Variants in TMEM94 observed in about 807,000 individuals in gnomAD.
The protein encoded by TMEM94 is ER Mg2+ ATPase.
Under a neutral mutation model 158.6 loss-of-function variants are expected in TMEM94, and 81 were observed. That is an observed-to-expected ratio of 0.51 (90% CI 0.43 to 0.61). The LOEUF is 0.61. TMEM94 is among the 20% of genes least tolerant of loss of function. TMEM94 has a pLI of 0.00. For synonymous variants in TMEM94, 751 were observed against 730.7 expected, an observed-to-expected ratio of 1.03 and a Z score of -0.45; for missense variants, 1,435 against 1,762.0, an observed-to-expected ratio of 0.81 and a Z score of 3.32.
chr17:75,472,950 C>T (rs1346191311), intron 2 of TMEM94, among the ~76,000 whole-genome samples: 1 of 152,210 alleles, frequency 6.6e-6, no homozygotes. Context: ...GTAGTACCTC[C>T]ACCATTGTAC....
At chr17:75,484,643 T>C (rs1289085453) in intron 2 of TMEM94, among the ~76,000 whole-genome samples, 2 of 151,902 alleles carry the variant, frequency 1.3e-5, no homozygotes, top group African/African-American at 4.8e-5. Context: ...GTGATCCACC[T>C]GCCTCCACCT....
intron 1 of TMEM94, among the ~76,000 whole-genome samples, chr17:75,462,563 T>G (rs1193263604): frequency 6.6e-6 from 1 of 151,072 alleles, no homozygotes; most frequent in Non-Finnish European, 1.5e-5. Flanking sequence ...GTTCTAAGGC[T>G]GGGCATGGTG....
intron 1 of TMEM94, among the ~76,000 whole-genome samples, chr17:75,467,527 T>TC (rs2050347711): frequency 7.2e-6 from 1 of 138,856 alleles, no homozygotes; most frequent in African/African-American, 2.7e-5. Context: ...TTTCTTTTTT[T>TC]TTTTTTTTTT....
At chr17:75,471,240 A>G (rs545450742) in intron 1 of TMEM94, among the ~76,000 whole-genome samples, 2 of 132,540 alleles carry the variant, frequency 1.5e-5, no homozygotes, top group Non-Finnish European at 3.1e-5. Flanking sequence ...ATCCGTCTCA[A>G]AAAAAAAAAA....
chr17:75,492,570 C>T lies in TMEM94; in HGVS notation c.1693C>T (p.Pro565Ser), dbSNP rs1336311588. 1.2e-6 allele frequency: 2 copies of T among 1,613,880 alleles called. No individual in the cohort carries two copies. The highest frequency in any genetic ancestry group is 3.3e-5 in the Admixed American group (2 of 59,992). ...GAGCCTGTCCCAGGACCAGCAGAAC[C>T]CCTCCTGCATCCAGTTTGATGACTC... ...MLSLSQDQQNPSCIQFDDSNW... is the reference protein window; with the variant it reads ...MLSLSQDQQNSSCIQFDDSNW... The change falls in exon 15 of 32, where the codon CCC (proline) becomes TCC (serine). Residue 565 changes from proline (P) to serine (S), a missense_variant. Physicochemically the swap from Pro to Ser is moderately conservative, Grantham distance 74. Coordinates refer to ENST00000314256, the MANE Select transcript of TMEM94 (RefSeq NM_014738.6). This position sits in a 1 kb window ranked among gnomAD's most constrained non-coding sequence, Gnocchi z 4.4.
At chr17:75,476,784 G>A in intron 2 of TMEM94, 1 of 1,535,452 alleles carries the variant, frequency 6.5e-7, no homozygotes, top group East Asian at 2.4e-5. Flanking sequence ...TCTTTAAAAT[G>A]CTGTGTTCCC....
chr17:75,490,452 G>A, intron 10 of TMEM94, 102 bp downstream of exon 10: 2 of 1,358,778 alleles, frequency 1.5e-6, no homozygotes, highest in Admixed American at 2.1e-5. Flanking sequence ...CTTGGGCTCG[G>A]CATGTTGGTC....
chr17:75,493,140 C>A (rs1286521720), intron 16 of TMEM94, 38 bp downstream of exon 16: 3 of 1,595,358 alleles, frequency 1.9e-6, no homozygotes, highest in Admixed American at 1.7e-5. Flanking sequence ...CAGGCGAGAC[C>A]TTCCAGAGCT....
In TMEM94 at chr17:75,493,928, G is replaced by A; in HGVS notation, c.2407+12G>A. On this transcript the variant is annotated intron_variant, in intron 18 of 31. Coordinates refer to ENST00000314256, the MANE Select transcript of TMEM94 (RefSeq NM_014738.6). Reference sequence around the variant, plus strand: ...CTGGAGCTCTGACGGTACCTCATGGGTCTGTCCAGCGGGGCTGGTGCTGGG... The same window carrying A: ...CTGGAGCTCTGACGGTACCTCATGGATCTGTCCAGCGGGGCTGGTGCTGGG... 1 of 1,608,094 alleles carries A rather than the reference G, an allele frequency of 6.2e-7. No homozygotes were observed. Among genetic ancestry groups the A allele is most frequent in the Non-Finnish European group, 8.5e-7 (1 of 1,178,838 alleles).
chr17:75,494,438 GCTAC>G (rs1287370142), intron 18 of TMEM94, among the ~76,000 whole-genome samples, 185 bp from the exon 19 acceptor site: 2 of 152,224 alleles, frequency 1.3e-5, no homozygotes, highest in African/African-American at 4.8e-5. Context: ...CTCAGATTCG[GCTAC>G]CTGACTGATG....
At position 75,463,178 on chromosome 17, in the gene TMEM94, G is replaced by GTGTA. The variant is rs1180723796; in HGVS notation, c.-107+6428_-107+6429insGTAT. ...TATATATATGTGTGTGTGTGTGTGT[G>GTGTA]TATATATATATATATATATACAGTT... is the stretch of plus-strand genomic sequence containing the variant. On this transcript the variant is annotated intron_variant, in intron 1 of 31. Coordinates refer to ENST00000314256, the MANE Select transcript of TMEM94 (RefSeq NM_014738.6). Among the ~76,000 whole-genome samples the GTGTA allele has an allele frequency of 2.3e-3, 34 of 15,080 alleles. 5 individuals are homozygous for GTGTA. Among genetic ancestry groups the GTGTA allele is most frequent in the African/African-American group, 5.0e-3 (30 of 6,058 alleles). 9.9% of individuals were successfully genotyped at this position (15,080 alleles called of 152,430 possible). A position where few individuals can be genotyped will look rare whatever the true frequency, so the allele number is the denominator to read the frequency against.
intron 1 of TMEM94, among the ~76,000 whole-genome samples, chr17:75,470,289 T>G (rs544733241): frequency 9.9e-5 from 15 of 150,878 alleles, no homozygotes; most frequent in Non-Finnish European, 1.9e-4. Context: ...CTGGGCAACA[T>G]AGCAAGACCC....
At chr17:75,460,205 A>G (rs1004528600) in intron 1 of TMEM94, among the ~76,000 whole-genome samples, 1 of 152,174 alleles carries the variant, frequency 6.6e-6, no homozygotes, top group Non-Finnish European at 1.5e-5. Flanking sequence ...GAGGGGTGTC[A>G]GAGAGAAGAA....
chr17:75,464,241 A>G (rs1462252919), intron 1 of TMEM94, among the ~76,000 whole-genome samples: 3 of 152,088 alleles, frequency 2.0e-5, no homozygotes, highest in African/African-American at 7.2e-5. Context: ...TCTTCTGCCT[A>G]TAATTTCTTT....
Position 75,494,700 on chromosome 17 carries a change from G to A in TMEM94, c.2481G>A (p.Val827=), listed in dbSNP as rs745456717. The change falls in exon 19 of 32, where the codon GTG becomes GTA. Residue 827 remains valine (V), a synonymous_variant. Coordinates refer to ENST00000314256, the MANE Select transcript of TMEM94 (RefSeq NM_014738.6). ...GCGGCCAGATCTTCATGGGCATGGT[G>A]TCCTCCCAGTACCAGGCCCGGCTGG... ...ALSGQIFMGM[V]SSQYQARLDI... is the part of the protein sequence containing the mutation. 1 of 1,613,722 alleles carries A rather than the reference G, an allele frequency of 6.2e-7. No individual in the cohort carries two copies. The highest frequency in any genetic ancestry group is 8.5e-7 in the Non-Finnish European group (1 of 1,180,018).
chr17:75,497,045 C>T (rs1330295846), intron 25 of TMEM94, 68 bp from the exon 26 acceptor site: 21 of 1,395,214 alleles, frequency 1.5e-5, no homozygotes, highest in South Asian at 4.6e-5. Flanking sequence ...CAAGGGAGCT[C>T]GGGGGCTCCT....
rs1417871826 is a variant in TMEM94, at chr17:75,493,507, G to A, written c.2103G>A (p.Leu701=). Residue 701 remains leucine (L), a synonymous_variant, in exon 17 of 32, where the codon CTG becomes CTA. Coordinates refer to ENST00000314256, the MANE Select transcript of TMEM94 (RefSeq NM_014738.6). ...CTCCCCCAGGCACAGAGCAGATGCT[G>A]TCCCATGGCACCGCTGATGTGGTCT... The part of the protein sequence containing the change: ...KDTTTSTEQM[L]SHGTADVVLE... The A allele has an allele frequency of 6.8e-6, 11 of 1,613,894 alleles. No homozygotes were observed. The highest frequency in any genetic ancestry group is 1.7e-6 in the Non-Finnish European group (2 of 1,180,012).
At position 75,497,307 on chromosome 17, in the gene TMEM94, C is replaced by T. The variant is rs2052794629; in HGVS notation, c.3407+109C>T. On this transcript the variant is annotated intron_variant, in intron 26 of 31. Coordinates refer to ENST00000314256, the MANE Select transcript of TMEM94 (RefSeq NM_014738.6). ...TTCTGGAACTGCTCAGGTCTCACCT[C>T]CTCTGGTACAGGAGGCATGGAGGGA... The T allele has an allele frequency of 1.0e-5, 8 of 796,810 alleles. No individual in the cohort carries two copies. In the South Asian group the frequency reaches 1.2e-4, roughly 12 times the overall value. The allele number at this position is 796,810 out of a possible 1,614,324, so 49.4% of individuals were successfully genotyped here. A position where few individuals can be genotyped will look rare whatever the true frequency, so the allele number is the denominator to read the frequency against.
At position 75,490,862 on chromosome 17, in the gene TMEM94, C is replaced by T. The variant is rs1399771404; in HGVS notation, c.1128+104C>T. 5 of 1,094,802 alleles carry T rather than the reference C, an allele frequency of 4.6e-6. No individual in the cohort carries two copies. In the East Asian group the frequency reaches 9.6e-5, roughly 21 times the overall value. 67.8% of individuals were successfully genotyped at this position (1,094,802 alleles called of 1,614,324 possible). ...AAGCCTCCAACCAGGCTCTTAGAGC[C>T]CCATGTCCACCCGTTACATGTGGAC... On this transcript the variant is annotated intron_variant, in intron 11 of 31. Coordinates refer to ENST00000314256, the MANE Select transcript of TMEM94 (RefSeq NM_014738.6).
Sources: allele counts gnomAD v4.1 joint callset (sites outside exome capture counted in the v4.1 genomes callset), GRCh38; gene constraint gnomAD v4.1.1; non-coding constraint Gnocchi (gnomAD v3.1); transcripts MANE v1.5; gene names NCBI Gene and HGNC (gene_info 2026-07-23, HGNC 2026-07-21).